Variants in TXK observed in about 807,000 individuals in gnomAD.
TXK encodes TXK tyrosine kinase.
A neutral mutation model predicts 81.0 loss-of-function variants in TXK; 60 were observed. That is an observed-to-expected ratio of 0.74 (90% CI 0.60 to 0.92). The LOEUF (loss-of-function observed/expected upper bound fraction) is 0.92, where lower values mean the gene tolerates loss of function less well. Ranked by LOEUF, TXK falls within the 40% of genes least tolerant of loss-of-function variation. The pLI is 0.00. For synonymous variants in TXK, 203 were observed against 210.7 expected (o/e 0.96, Z 0.32); for missense variants, 581 against 638.3 (o/e 0.91, Z 0.97).
At chr4:48,071,956 CTT>C (rs33963487) in intron 13 of TXK, among the ~76,000 whole-genome samples, 7 of 137,658 alleles carry the variant, frequency 5.1e-5, no homozygotes, top group Non-Finnish European at 9.4e-5. Flanking sequence ...ATTTTCTTTT[CTT>C]TTTTTTTTTT....
chr4:48,101,840 T>G (rs180822192), intron 6 of TXK, among the ~76,000 whole-genome samples: 1 of 150,332 alleles, frequency 6.7e-6, no homozygotes, highest in Non-Finnish European at 1.5e-5. Flanking sequence ...TTGAGAAATG[T>G]GACCACATTA....
intron 9 of TXK, 91 bp downstream of exon 9, chr4:48,089,659 T>C (rs776238549): frequency 2.8e-6 from 3 of 1,086,570 alleles, no homozygotes; most frequent in South Asian, 1.3e-5. Context: ...CCCAAAGTGC[T>C]AGGATTACAG....
chr4:48,085,631 AC>A (rs35412878), intron 10 of TXK, among the ~76,000 whole-genome samples: 1 of 151,972 alleles, frequency 6.6e-6, no homozygotes, highest in South Asian at 2.1e-4. Flanking sequence ...AGCCTGCCAC[AC>A]CCCTGTACTG....
chr4:48,112,215 A>T, intron 4 of TXK, 92 bp downstream of exon 4: 1 of 1,179,564 alleles, frequency 8.5e-7, no homozygotes, highest in South Asian at 1.4e-5. Flanking sequence ...ATTCCATTTC[A>T]TGCAGAGGGA....
chr4:48,123,785 G>T (rs62298967), intron 1 of TXK, among the ~76,000 whole-genome samples: 14,328 of 152,060 alleles, frequency 0.094, 943 homozygotes, highest in East Asian at 0.35. Context: ...TTCCCTAAAA[G>T]CCTGCTTCAG....
chr4:48,123,040 A>G (rs1282133612), intron 1 of TXK, among the ~76,000 whole-genome samples: 1 of 152,254 alleles, frequency 6.6e-6, no homozygotes, highest in Non-Finnish European at 1.5e-5. Context: ...CTGACCATCT[A>G]TATAGCCTCC....
At chr4:48,096,048 T>C (rs1458304190) in intron 6 of TXK, among the ~76,000 whole-genome samples, 1 of 152,194 alleles carries the variant, frequency 6.6e-6, no homozygotes, top group East Asian at 1.9e-4. Context: ...TACATTGTGC[T>C]TGAGAATTGC....
chr4:48,104,706 T>C (rs1272123159), intron 6 of TXK, among the ~76,000 whole-genome samples, 195 bp downstream of exon 6: 1 of 144,172 alleles, frequency 6.9e-6, no homozygotes. Flanking sequence ...TTTCTGAAAT[T>C]ATAATGAAAG....
intron 10 of TXK, among the ~76,000 whole-genome samples, chr4:48,084,503 CT>C (rs1228209740): frequency 4.6e-5 from 7 of 152,300 alleles, no homozygotes; most frequent in Non-Finnish European, 1.0e-4. Flanking sequence ...TTAACTCTCC[CT>C]GAATAACTTG....
rs200401207 is a variant in TXK, at chr4:48,082,319, C to CA, written c.957-2192dup. ...TCATAACCATTAACATCAACACAGA[C>CA]ACTGAGACTGATAGAACAGACTCTT... On this transcript the variant is annotated intron_variant, in intron 10 of 14. Coordinates refer to ENST00000264316, the MANE Select transcript of TXK (RefSeq NM_003328.3). Among the ~76,000 whole-genome samples the CA allele has an allele frequency of 6.7e-3, 1,024 of 152,268 alleles. 13 individuals are homozygous for CA. The highest frequency in any genetic ancestry group is 0.023 in the African/African-American group (963 of 41,540).
chr4:48,067,387 C>T lies in TXK; in HGVS notation c.*250G>A, dbSNP rs1043400948. 3 of 435,632 alleles carry T rather than the reference C, an allele frequency of 6.9e-6. No homozygotes were observed. The highest frequency in any genetic ancestry group is 2.0e-5 in the African/African-American group (1 of 50,252). 27.0% of individuals were successfully genotyped at this position (435,632 alleles called of 1,614,324 possible). Reference sequence around the variant, plus strand: ...GACTGCTGCGAAGTCTTTTTCACTTCTTCACATTTGGGATGTGAAATATTT... The same window carrying T: ...GACTGCTGCGAAGTCTTTTTCACTTTTTCACATTTGGGATGTGAAATATTT... On this transcript the variant is annotated 3_prime_UTR_variant, in exon 15 of 15. Transcript: ENST00000264316.
intron 3 of TXK, 149 bp from the exon 4 acceptor site, chr4:48,112,661 A>C: frequency 1.3e-6 from 1 of 758,392 alleles, no homozygotes; most frequent in African/African-American, 1.8e-5. Context: ...GTAGAAAAGG[A>C]CTAACTATAA....
chr4:48,071,771 T>C, intron 13 of TXK, 97 bp from the exon 14 acceptor site: 1 of 1,419,732 alleles, frequency 7.0e-7, no homozygotes, highest in Non-Finnish European at 9.6e-7. Context: ...ATTTTTGTGC[T>C]CCAGGCTTTG....
In TXK at chr4:48,100,171, CAAAAAAAAAAAA is replaced by C. The variant is rs11341305; in HGVS notation, c.501+4718_501+4729del. Among the ~76,000 whole-genome samples, 2 of 53,950 alleles carry C rather than the reference CAAAAAAAAAAAA, an allele frequency of 3.7e-5. 1 individual carries two copies. The allele number at this position is 53,950 out of a possible 152,430, so 35.4% of individuals were successfully genotyped here. ...TGGGCGACAGAAAGAGACTCCATCT[CAAAAAAAAAAAA>C]AAAAAAAAAAAATGCATAAAATAAA... On this transcript the variant is annotated intron_variant, in intron 6 of 14. Transcript: ENST00000264316.
At chr4:48,125,854 G>A (rs532509710) in intron 1 of TXK, among the ~76,000 whole-genome samples, 20 of 152,310 alleles carry the variant, frequency 1.3e-4, no homozygotes, top group Admixed American at 2.6e-4. Flanking sequence ...GCCCAAAGGC[G>A]GTCTGCTGGC....
At position 48,124,539 on chromosome 4, in the gene TXK, C is replaced by A. The variant is rs944241778; in HGVS notation, c.16+9616G>T. ...AAATAAGACCCCACCAATATCAACA[C>A]CCTTACATTACATCTGAGCTCTTCT... On this transcript the variant is annotated intron_variant, in intron 1 of 14. Transcript: ENST00000264316. 2.0e-5 allele frequency among the ~76,000 whole-genome samples: 3 copies of A among 152,030 alleles called. No homozygotes were observed. The East Asian group carries it at 5.8e-4, about 29-fold the overall frequency.
chr4:48,078,221 G>C (rs1028197528), intron 11 of TXK, among the ~76,000 whole-genome samples: 2 of 152,174 alleles, frequency 1.3e-5, no homozygotes, highest in Non-Finnish European at 2.9e-5. Context: ...ATAGACTCTA[G>C]TATTTGTGTA....
At chr4:48,089,423 C>T in intron 9 of TXK, 1 of 161,578 alleles carries the variant, frequency 6.2e-6, no homozygotes, top group Non-Finnish European at 1.3e-5. Context: ...CAGAGTCTCA[C>T]TCTGCTGCCC....
intron 4 of TXK, among the ~76,000 whole-genome samples, chr4:48,111,047 A>C (rs1718617622): frequency 1.3e-5 from 2 of 152,240 alleles, no homozygotes; most frequent in African/African-American, 4.8e-5. Context: ...CTTGTACAGA[A>C]GAATATTTCT....
Sources: gnomAD v4.1 joint callset for allele counts (sites outside exome capture counted in the v4.1 genomes callset) on GRCh38, gnomAD v4.1.1 for gene constraint, MANE v1.5 for transcripts, NCBI Gene and HGNC (gene_info 2026-07-23, HGNC 2026-07-21) for gene names.